ADGRG7: variants seen among roughly 807,000 people sequenced by gnomAD.
The protein encoded by ADGRG7 is adhesion G protein-coupled receptor G7, also known as G-protein coupled receptor 128.
Under a neutral mutation model 88.6 loss-of-function variants are expected in ADGRG7, and 82 were observed. The observed-to-expected ratio is 0.93, with a 90% CI of 0.77 to 1.11. The LOEUF is 1.11. Among genes scored for constraint, ADGRG7 ranks in the 50% most tolerant of loss-of-function variants. ADGRG7 has a pLI of 0.00. For missense variants in ADGRG7, 945 were observed against 953.4 expected (o/e 0.99, Z 0.12); for synonymous variants, 381 against 345.2 (o/e 1.10, Z -1.15).
chr3:100,648,467 A>AT (rs1415969477), intron 10 of ADGRG7, among the ~76,000 whole-genome samples: 1 of 152,134 alleles, frequency 6.6e-6, no homozygotes, highest in African/African-American at 2.4e-5. Context: ...TTTTGTTTTT[A>AT]TTTTATTTCT....
Position 100,637,311 on chromosome 3 carries a change from G to T in ADGRG7, c.607G>T (p.Val203Phe). Residue 203 changes from valine (V) to phenylalanine (F), a missense_variant, in exon 6 of 16, where the codon GTT (valine) becomes TTT (phenylalanine). By Grantham distance (50) the Val-to-Phe change is conservative. Coordinates refer to ENST00000273352, the MANE Select transcript of ADGRG7 (RefSeq NM_032787.3). Reference sequence around the variant, plus strand: ...ATCTTCTCTTTGGCAGGCAAAGAAAGTTGCCATAGTAACAGTGAGTCAACT... The same window carrying T: ...ATCTTCTCTTTGGCAGGCAAAGAAATTTGCCATAGTAACAGTGAGTCAACT... ...SRNASPEAKKVAIVTVSQLLD... is the reference protein window; with the variant it reads ...SRNASPEAKKFAIVTVSQLLD... 3 of 1,611,834 alleles carry T rather than the reference G, an allele frequency of 1.9e-6. No individual in the cohort carries two copies. Among genetic ancestry groups the T allele is most frequent in the African/African-American group, 1.3e-5 (1 of 74,996 alleles).
chr3:100,659,549 C>A (rs924574648), intron 13 of ADGRG7, 139 bp from the exon 14 acceptor site: 83 of 612,536 alleles, frequency 1.4e-4, no homozygotes, highest in Non-Finnish European at 2.2e-4. Context: ...CATAAGTCAT[C>A]TCAAATGTGT....
At chr3:100,644,702 A>G (rs1313528527) in intron 8 of ADGRG7, among the ~76,000 whole-genome samples, 2 of 151,782 alleles carry the variant, frequency 1.3e-5, no homozygotes, top group East Asian at 3.9e-4. Context: ...AAAAAAATTA[A>G]ATTTTTTTTG....
intron 5 of ADGRG7, among the ~76,000 whole-genome samples, chr3:100,636,482 T>G (rs1355848573): frequency 6.6e-6 from 1 of 152,198 alleles, no homozygotes; most frequent in Non-Finnish European, 1.5e-5. Context: ...ACCCTGGTAC[T>G]TGAAAACAAG....
intron 6 of ADGRG7, chr3:100,637,650 G>T (rs564406879): frequency 3.1e-5 from 13 of 417,224 alleles, no homozygotes; most frequent in African/African-American, 2.4e-4. Context: ...GGCTGATTTA[G>T]ATTAGAACTT....
At chr3:100,642,258 T>G (rs1333444498) in intron 6 of ADGRG7, among the ~76,000 whole-genome samples, 1 of 152,206 alleles carries the variant, frequency 6.6e-6, no homozygotes, top group Non-Finnish European at 1.5e-5. Flanking sequence ...AGGTGGGAGT[T>G]TTGTTAGGTA....
chr3:100,687,554 A>G (rs1576340855), intron 15 of ADGRG7, among the ~76,000 whole-genome samples: 1 of 152,130 alleles, frequency 6.6e-6, no homozygotes, highest in African/African-American at 2.4e-5. Context: ...ACATCCCATC[A>G]ATACCTAATT....
chr3:100,622,885 G>A (rs1707334210), intron 1 of ADGRG7, among the ~76,000 whole-genome samples: 1 of 151,344 alleles, frequency 6.6e-6, no homozygotes, highest in Non-Finnish European at 1.5e-5. Flanking sequence ...CCTCAGCTGG[G>A]ACTACAGGCA....
chr3:100,687,928 A>T (rs987356419), intron 15 of ADGRG7, among the ~76,000 whole-genome samples: 44 of 152,140 alleles, frequency 2.9e-4, no homozygotes, highest in Middle Eastern at 3.4e-3. Flanking sequence ...TTTTCTATTG[A>T]TTGGAATAGT....
At chr3:100,628,295 T>C (rs530305101) in intron 1 of ADGRG7, among the ~76,000 whole-genome samples, 11 of 152,268 alleles carry the variant, frequency 7.2e-5, no homozygotes, top group African/African-American at 2.6e-4. Flanking sequence ...ATTATTACCA[T>C]TGTTATCTAT....
intron 1 of ADGRG7, 94 bp from the exon 2 acceptor site, chr3:100,629,504 G>T: frequency 2.7e-6 from 2 of 736,860 alleles, no homozygotes; most frequent in Non-Finnish European, 2.4e-6. Context: ...ACTCAAAGCA[G>T]TGGTTTTACG....
chr3:100,667,345 A>G (rs2094953164), intron 14 of ADGRG7, among the ~76,000 whole-genome samples: 1 of 152,062 alleles, frequency 6.6e-6, no homozygotes, highest in African/African-American at 2.4e-5. Context: ...CACCACTGAC[A>G]GGCCCCAGTG....
At chr3:100,622,922 G>A (rs938844299) in intron 1 of ADGRG7, among the ~76,000 whole-genome samples, 1 of 141,836 alleles carries the variant, frequency 7.1e-6, no homozygotes, top group African/African-American at 2.6e-5. Context: ...GAAAATTTTT[G>A]TTTTTGTTTT....
At chr3:100,686,326 G>T (rs1230869590) in intron 15 of ADGRG7, among the ~76,000 whole-genome samples, 1 of 152,110 alleles carries the variant, frequency 6.6e-6, no homozygotes, top group Non-Finnish European at 1.5e-5. Context: ...TCTGTAGGTT[G>T]CCTGTTCACT....
chr3:100,665,532 G>C lies in ADGRG7; in HGVS notation c.1980-3417G>C, dbSNP rs371877288. ...TCACTTGGGCACCTTTTTCTAGTGGGACTATATCTTACATATGTACTTTAC... is the reference window on the plus strand; with the variant it reads ...TCACTTGGGCACCTTTTTCTAGTGGCACTATATCTTACATATGTACTTTAC... On this transcript the variant is annotated intron_variant, in intron 14 of 15. Coordinates refer to ENST00000273352, the MANE Select transcript of ADGRG7 (RefSeq NM_032787.3). 8.4e-5 allele frequency: 37 copies of C among 440,128 alleles called. 1 individual carries two copies. Among genetic ancestry groups the C allele is most frequent in the East Asian group, 7.6e-4 (12 of 15,690 alleles). 27.3% of individuals were successfully genotyped at this position (440,128 alleles called of 1,614,324 possible). A position where few individuals can be genotyped will look rare whatever the true frequency, so the allele number is the denominator to read the frequency against.
intron 1 of ADGRG7, among the ~76,000 whole-genome samples, chr3:100,628,599 G>C (rs58351812): frequency 1.3e-5 from 2 of 151,848 alleles, no homozygotes; most frequent in African/African-American, 2.4e-5. Flanking sequence ...CAAGTGATCC[G>C]CCCACCTCAG....
intron 13 of ADGRG7, among the ~76,000 whole-genome samples, chr3:100,658,049 C>T (rs1242949241): frequency 6.6e-6 from 1 of 152,168 alleles, no homozygotes; most frequent in Non-Finnish European, 1.5e-5. Flanking sequence ...GCCTACCTGA[C>T]ACCTCCACTT....
intron 13 of ADGRG7, 37 bp from the exon 14 acceptor site, chr3:100,659,651 C>A (rs772454673): frequency 5.0e-6 from 8 of 1,603,108 alleles, no homozygotes; most frequent in African/African-American, 1.3e-5. Context: ...GTATACCTTT[C>A]TTAGTCTGCT....
intron 1 of ADGRG7, among the ~76,000 whole-genome samples, chr3:100,620,874 GT>G (rs1321101449): frequency 1.3e-5 from 2 of 151,566 alleles, no homozygotes; most frequent in Admixed American, 6.6e-5. Context: ...GCAACTCTGT[GT>G]CAAGCAGGTC....
Sources: gnomAD v4.1 joint callset for allele counts (sites outside exome capture counted in the v4.1 genomes callset) on GRCh38, gnomAD v4.1.1 for gene constraint, MANE v1.5 for transcripts, NCBI Gene and HGNC (gene_info 2026-07-23, HGNC 2026-07-21) for gene names.